Variants in CDC5L observed in about 807,000 individuals in gnomAD.
CDC5L encodes cell division cycle 5 like, also known as cell division cycle 5-like protein.
A neutral mutation model predicts 104.1 loss-of-function variants in CDC5L; 18 were observed. The ratio of observed to expected loss-of-function variants is 0.17; its 90% CI spans 0.12 to 0.26. CDC5L has a LOEUF of 0.26. Ranked by LOEUF, CDC5L falls within the 10% of genes least tolerant of loss-of-function variation. The pLI, the probability that CDC5L is intolerant of heterozygous loss-of-function variation, is 1.00. For synonymous variants in CDC5L, 331 were observed against 322.7 expected, an observed-to-expected ratio of 1.03 and a Z score of -0.28; for missense variants, 673 against 956.9, an observed-to-expected ratio of 0.70 and a Z score of 3.91.
intron 2 of CDC5L, among the ~76,000 whole-genome samples, chr6:44,392,146 G>T (rs1790652370): frequency 6.6e-6 from 1 of 152,192 alleles, no homozygotes; most frequent in South Asian, 2.1e-4. Flanking sequence ...GATGGAAAAG[G>T]TGGGCTGGGT....
At chr6:44,406,273 T>C (rs761336748) in intron 6 of CDC5L, 50 bp from the exon 7 acceptor site, 1 of 1,338,444 alleles carries the variant, frequency 7.5e-7, no homozygotes, top group Non-Finnish European at 1.0e-6. Context: ...TTTTAATGTT[T>C]TTGGCTATAT....
At chr6:44,443,009 GT>G (rs61581947) in intron 14 of CDC5L, among the ~76,000 whole-genome samples, 144,337 of 151,582 alleles carry the variant, frequency 0.95, 68,787 homozygotes, top group East Asian at 1. Context: ...TTGGTTGGCA[GT>G]TTTTTTTTCT....
At chr6:44,406,621 T>C (rs1791374347) in intron 7 of CDC5L, among the ~76,000 whole-genome samples, 154 bp downstream of exon 7, 1 of 152,228 alleles carries the variant, frequency 6.6e-6, no homozygotes, top group African/African-American at 2.4e-5. Flanking sequence ...AACAAGTAAT[T>C]GTGGGCTGGC....
chr6:44,387,920 G>T (rs773990872), intron 1 of CDC5L, 52 bp downstream of exon 1: 1 of 1,533,900 alleles, frequency 6.5e-7, no homozygotes, highest in Non-Finnish European at 8.8e-7. Flanking sequence ...CTAGCAGCTT[G>T]TGCGCACGCG....
intron 11 of CDC5L, among the ~76,000 whole-genome samples, chr6:44,425,788 A>G (rs1792391349): frequency 1.3e-5 from 2 of 152,118 alleles, no homozygotes; most frequent in South Asian, 2.1e-4. Flanking sequence ...AAGGGAAGAA[A>G]GAGTTTTGTC....
At chr6:44,397,108 C>T (rs1221096502) in intron 5 of CDC5L, among the ~76,000 whole-genome samples, 4 of 152,226 alleles carry the variant, frequency 2.6e-5, no homozygotes, top group African/African-American at 7.2e-5. Flanking sequence ...CTTCTCCCCT[C>T]CCCTGAGGTT....
Position 44,426,558 on chromosome 6 carries a change from A to G in CDC5L, c.1727A>G (p.Lys576Arg). The G allele has an allele frequency of 6.2e-7, 1 of 1,612,410 alleles. No homozygotes were observed. Among genetic ancestry groups the G allele is most frequent in the Non-Finnish European group, 8.5e-7 (1 of 1,178,692 alleles). ...TTACAGAAAAGTGAAGAACTAATCA[A>G]AAAAGAAATGATCACAATGCTTCAT... ...TDLQKSEELI[K>R]KEMITMLHYD... Residue 576 changes from lysine to arginine, a missense_variant, in exon 13 of 16, where the codon AAA becomes AGA. Physicochemically the swap from Lys to Arg is conservative, Grantham distance 26 (BLOSUM62 2). Transcript: ENST00000371477.
intron 8 of CDC5L, among the ~76,000 whole-genome samples, chr6:44,416,262 A>G (rs1436489815): frequency 2.0e-5 from 3 of 152,120 alleles, no homozygotes; most frequent in Non-Finnish European, 4.4e-5. Context: ...AAGATTGGAG[A>G]AAGGTCACCA....
chr6:44,411,637 A>AGAGTGTGTGTGT, intron 8 of CDC5L, among the ~76,000 whole-genome samples: 57 of 123,744 alleles, frequency 4.6e-4, no homozygotes, highest in African/African-American at 1.6e-3. Context: ...AGAGAGAGAG[A>AGAGTGTGTGTGT]GTGTGTGTGT....
chr6:44,424,432 G>A lies in CDC5L; in HGVS notation c.1418G>A (p.Arg473Gln), dbSNP rs773109480. ...SYVKQMERES[R>Q]EHLRLGLLGL... is the part of the protein sequence containing the mutation. Reference sequence around the variant, plus strand: ...TCTTTTCTACAGGAAAGAGAATCCCGAGAACATCTCCGTTTAGGGTTGTTG... The same window carrying A: ...TCTTTTCTACAGGAAAGAGAATCCCAAGAACATCTCCGTTTAGGGTTGTTG... Residue 473 changes from arginine (R) to glutamine (Q), a missense_variant, in exon 11 of 16, where the codon CGA becomes CAA. Physicochemically the swap from Arg to Gln is conservative, Grantham distance 43. Around this residue, in one of 4 missense-constraint regions of CDC5L, gnomAD observed 578 missense variants for 737.0 expected, o/e 0.78. Transcript: ENST00000371477. 9.3e-6 allele frequency: 15 copies of A among 1,612,964 alleles called. No individual in the cohort carries two copies. The South Asian group carries it at 1.1e-4, about 12-fold the overall frequency.
At chr6:44,401,667 A>G (rs1049000817) in intron 5 of CDC5L, among the ~76,000 whole-genome samples, 1 of 151,612 alleles carries the variant, frequency 6.6e-6, no homozygotes, top group African/African-American at 2.4e-5. Flanking sequence ...TTTTATTATT[A>G]TTATACTTTA....
intron 11 of CDC5L, 116 bp downstream of exon 11, chr6:44,424,699 A>G: frequency 1.2e-6 from 1 of 848,582 alleles, no homozygotes; most frequent in Non-Finnish European, 1.8e-6. Flanking sequence ...TTAATATTGA[A>G]AAAACTTCTA....
chr6:44,430,170 A>G (rs941299493), intron 14 of CDC5L, among the ~76,000 whole-genome samples: 1 of 151,838 alleles, frequency 6.6e-6, no homozygotes, highest in Admixed American at 6.6e-5. Flanking sequence ...CCAGAGGTCA[A>G]TCAGAACCTT....
intron 9 of CDC5L, among the ~76,000 whole-genome samples, chr6:44,421,005 T>C (rs184917851): frequency 1.7e-3 from 257 of 152,298 alleles, no homozygotes; most frequent in Non-Finnish European, 2.0e-3. Flanking sequence ...AGCACACATA[T>C]CCCACACTGT....
intron 14 of CDC5L, among the ~76,000 whole-genome samples, chr6:44,436,769 GA>G (rs1792958194): frequency 6.6e-6 from 1 of 152,110 alleles, no homozygotes; most frequent in Non-Finnish European, 1.5e-5. Flanking sequence ...TTATGAAATA[GA>G]ATTACGGTGC....
At chr6:44,418,885 A>T (rs1403462102) in intron 8 of CDC5L, among the ~76,000 whole-genome samples, 1 of 139,886 alleles carries the variant, frequency 7.1e-6, no homozygotes, top group East Asian at 2.0e-4. Context: ...TTCATTGTAG[A>T]TTCTGGGTAT....
chr6:44,399,554 C>A (rs1246140214), intron 5 of CDC5L, among the ~76,000 whole-genome samples: 1 of 152,138 alleles, frequency 6.6e-6, no homozygotes, highest in Non-Finnish European at 1.5e-5. Flanking sequence ...GTTTAGATTG[C>A]ATAATTGTTA....
At position 44,429,908 on chromosome 6, in the gene CDC5L, G is replaced by A. The variant is rs1480469790; in HGVS notation, c.2089G>A (p.Glu697Lys). 6.2e-7 allele frequency: 1 copy of A among 1,612,334 alleles called. No homozygotes were observed. The highest frequency in any genetic ancestry group is 8.5e-7 in the Non-Finnish European group (1 of 1,178,742). The change falls in exon 14 of 16, where the codon GAG becomes AAG. Residue 697 changes from glutamate (E) to lysine (K), a missense_variant and splice_region_variant. Glu to Lys is a moderately conservative substitution (Grantham distance 56, BLOSUM62 1). Around this residue, in one of 4 missense-constraint regions of CDC5L, gnomAD observed 578 missense variants for 737.0 expected, o/e 0.78. Transcript: ENST00000371477. ...AATTGAATCACTTGAAAAGAGGCTC[G>A]AGGTTGGTATCCTTTTAAAATTTTA... Reference protein sequence around the residue: ...DRIESLEKRLEINRGHMTTEA... With the variant: ...DRIESLEKRLKINRGHMTTEA...
chr6:44,406,311 G>T lies in CDC5L; in HGVS notation c.759-12G>T. On this transcript the variant is annotated splice_polypyrimidine_tract_variant and intron_variant, in intron 6 of 15. Transcript: ENST00000371477. ...AACTTAAAAATCTCTTTTCTACTTT[G>T]ATCCATGACAGTGAAAAAGAAGGAA... is the stretch of plus-strand genomic sequence containing the variant. 1.3e-6 allele frequency: 2 copies of T among 1,581,814 alleles called. No homozygotes were observed. The highest frequency in any genetic ancestry group is 2.3e-5 in the South Asian group (2 of 86,058).
Sources: gnomAD v4.1 joint callset for allele counts (sites outside exome capture counted in the v4.1 genomes callset) on GRCh38, gnomAD v4.1.1 for gene constraint, gnomAD v4.1.1 regional missense constraint, MANE v1.5 for transcripts, NCBI Gene and HGNC (gene_info 2026-07-23, HGNC 2026-07-21) for gene names.